The following CLDN18 variants were observed in gnomAD, a reference collection of about 807,000 sequenced individuals.
The protein encoded by CLDN18 is claudin-18.
Under a neutral mutation model 25.0 loss-of-function variants are expected in CLDN18, and 20 were observed. The observed-to-expected ratio is 0.80, with a 90% CI of 0.56 to 1.16. The LOEUF (loss-of-function observed/expected upper bound fraction) is 1.16, where lower values mean the gene tolerates loss of function less well. CLDN18 is among the 50% of genes most tolerant of loss of function. The pLI, the probability that CLDN18 is intolerant of heterozygous loss-of-function variation, is 0.00. For missense variants in CLDN18, 297 were observed against 345.4 expected (o/e 0.86, Z 1.11); for synonymous variants, 125 against 135.6 (o/e 0.92, Z 0.54).
intron 1 of CLDN18, among the ~76,000 whole-genome samples, chr3:138,019,369 ATCT>A (rs1444536240): frequency 6.6e-6 from 1 of 152,192 alleles, no homozygotes; most frequent in Admixed American, 6.5e-5. Context: ...TCAGACTACC[ATCT>A]TCTGAGCTCC....
At chr3:138,001,956 T>A (rs1942024284) in intron 1 of CLDN18, among the ~76,000 whole-genome samples, 1 of 152,062 alleles carries the variant, frequency 6.6e-6, no homozygotes, top group African/African-American at 2.4e-5. Flanking sequence ...GTGTGAGAGA[T>A]AGTGTTCATT....
chr3:138,024,823 T>C (rs1942306813), intron 3 of CLDN18, 99 bp downstream of exon 3: 1 of 654,910 alleles, frequency 1.5e-6, no homozygotes, highest in Middle Eastern at 2.7e-4. Context: ...GTGCCTGAAA[T>C]AGCAAAAATT....
intron 1 of CLDN18, among the ~76,000 whole-genome samples, chr3:138,022,056 A>G (rs1487486581): frequency 2.0e-5 from 3 of 152,168 alleles, no homozygotes; most frequent in African/African-American, 4.8e-5. Context: ...CAGGAGCTCA[A>G]ACACTGTCAG....
At chr3:138,001,527 C>G (rs1040164161) in intron 1 of CLDN18, among the ~76,000 whole-genome samples, 2 of 152,012 alleles carry the variant, frequency 1.3e-5, no homozygotes, top group African/African-American at 4.8e-5. Context: ...CGGCAACATT[C>G]CCCCATTCTT....
In CLDN18 at chr3:138,032,294, C is replaced by G. The variant is rs6804883; in HGVS notation, c.*1153C>G. 1 of 151,808 alleles carries G rather than the reference C, an allele frequency of 6.6e-6. No individual in the cohort carries two copies. The highest frequency in any genetic ancestry group is 1.5e-5 in the Non-Finnish European group (1 of 68,032). The allele number at this position is 151,808 out of a possible 1,614,324, so 9.4% of individuals were successfully genotyped here. On this transcript the variant is annotated 3_prime_UTR_variant, in exon 5 of 5. Transcript: ENST00000183605. ...GAAAAAATCAGCCAGTCATGGTGGC[C>G]TACACCTGTAGTCCCAGCATTCCGG...
intron 1 of CLDN18, among the ~76,000 whole-genome samples, chr3:138,014,527 A>G (rs1942182487): frequency 6.6e-6 from 1 of 152,074 alleles, no homozygotes; most frequent in African/African-American, 2.4e-5. Context: ...CCTGTCTCCC[A>G]ATTGTGCTGT....
chr3:138,007,205 C>A (rs1576406252), upstream of CLDN18, among the ~76,000 whole-genome samples: 5 of 151,966 alleles, frequency 3.3e-5, 1 homozygote, highest in Admixed American at 3.3e-4. Context: ...GGGTATATAC[C>A]CAAAGGAATA....
chr3:138,016,177 C>T (rs745844703), intron 1 of CLDN18, among the ~76,000 whole-genome samples: 2 of 152,072 alleles, frequency 1.3e-5, no homozygotes, highest in African/African-American at 2.4e-5. Flanking sequence ...AAAACTGAGG[C>T]TGGGGGTGAG....
chr3:138,000,527 G>C (rs1018538454), intron 1 of CLDN18, among the ~76,000 whole-genome samples: 2 of 151,496 alleles, frequency 1.3e-5, no homozygotes, highest in African/African-American at 4.9e-5. Context: ...TGAGAGGTTG[G>C]TTGTTTGGTT....
intron 1 of CLDN18, among the ~76,000 whole-genome samples, chr3:138,018,553 G>T (rs1009032641): frequency 6.6e-6 from 1 of 151,880 alleles, no homozygotes; most frequent in South Asian, 2.1e-4. Flanking sequence ...AGCCGGGATG[G>T]TCTCGATCTC....
At chr3:137,999,669 A>G (rs1941994457) in intron 1 of CLDN18, among the ~76,000 whole-genome samples, 1 of 152,314 alleles carries the variant, frequency 6.6e-6, no homozygotes, top group African/African-American at 2.4e-5. Flanking sequence ...AATATTGGTG[A>G]CAAGGAACCA....
At position 138,010,198 on chromosome 3, in the gene CLDN18, G is replaced by A. The variant is rs1011897932; in HGVS notation, c.-28G>A. On this transcript the variant is annotated 5_prime_UTR_variant, in exon 1 of 5. Coordinates refer to ENST00000183605, the MANE Select transcript of CLDN18 (RefSeq NM_016369.4). The stretch of plus-strand genomic sequence containing the variant: ...GGCAGCAGGAGGGCGGCAGCTTCTC[G>A]CAGGCGGCAGGGCGGGCGGCCAGGA... 28 of 1,604,784 alleles carry A rather than the reference G, an allele frequency of 1.7e-5. No homozygotes were observed. Among genetic ancestry groups the A allele is most frequent in the Non-Finnish European group, 2.3e-5 (27 of 1,175,264 alleles).
intron 1 of CLDN18, among the ~76,000 whole-genome samples, chr3:138,021,990 G>A (rs537839395): frequency 6.6e-5 from 10 of 152,284 alleles, no homozygotes; most frequent in African/African-American, 2.4e-4. Flanking sequence ...ATGGTGCTGG[G>A]ATAGCACCTG....
chr3:138,025,099 C>T (rs952817612), intron 3 of CLDN18, among the ~76,000 whole-genome samples: 2 of 152,178 alleles, frequency 1.3e-5, no homozygotes, highest in South Asian at 2.1e-4. Flanking sequence ...AACAGGGAAA[C>T]GTTTGAATAG....
At chr3:138,030,916 T>C in intron 4 of CLDN18, 54 bp from the exon 5 acceptor site, 2 of 1,486,212 alleles carry the variant, frequency 1.3e-6, no homozygotes, top group Non-Finnish European at 1.9e-6. Context: ...AAATAGGAGG[T>C]TGGTCCTACT....
chr3:138,019,092 C>A (rs1310380366), intron 1 of CLDN18, among the ~76,000 whole-genome samples: 2 of 152,146 alleles, frequency 1.3e-5, no homozygotes, highest in Non-Finnish European at 2.9e-5. Context: ...GGAGAGGAAA[C>A]TGATATTTAT....
rs909983834 is a variant in CLDN18 at position 138,010,294 on chromosome 3, G to A, written c.69G>A (p.Ala23=). 6 of 1,614,014 alleles carry A rather than the reference G, an allele frequency of 3.7e-6. No individual in the cohort carries two copies. The highest frequency in any genetic ancestry group is 1.3e-5 in the African/African-American group (1 of 74,918). ...LSILGLAGCI[A]ATGMDMWSTQ... Reference sequence around the variant, plus strand: ...TCCTGGGGCTGGCCGGCTGCATCGCGGCCACCGGGATGGACATGTGGAGCA... The same window carrying A: ...TCCTGGGGCTGGCCGGCTGCATCGCAGCCACCGGGATGGACATGTGGAGCA... Residue 23 remains alanine (A), a synonymous_variant, in exon 1 of 5, where the codon GCG becomes GCA. Transcript: ENST00000183605.
At chr3:138,018,674 G>A (rs1448762270) in intron 1 of CLDN18, among the ~76,000 whole-genome samples, 1 of 152,176 alleles carries the variant, frequency 6.6e-6, no homozygotes, top group Non-Finnish European at 1.5e-5. Context: ...CATTCCTGAG[G>A]GTACCTCCTA....
Position 138,032,342 on chromosome 3 carries a change from T to G in CLDN18, c.*1201T>G, listed in dbSNP as rs1942407409. The G allele has an allele frequency of 6.6e-6, 1 of 152,254 alleles. No individual in the cohort carries two copies. The highest frequency in any genetic ancestry group is 2.4e-5 in the African/African-American group (1 of 41,408). The allele number at this position is 152,254 out of a possible 1,614,324, so 9.4% of individuals were successfully genotyped here. ...CGGGAGGCTGAGGTGGGAGGATCAC[T>G]TGAGCCCAGGGAGGTTGGGGCTGCA... On this transcript the variant is annotated 3_prime_UTR_variant, in exon 5 of 5. Coordinates refer to ENST00000183605, the MANE Select transcript of CLDN18 (RefSeq NM_016369.4).
Sources: allele counts gnomAD v4.1 joint callset (sites outside exome capture counted in the v4.1 genomes callset), GRCh38; gene constraint gnomAD v4.1.1; transcripts MANE v1.5; gene names NCBI Gene and HGNC (gene_info 2026-07-23, HGNC 2026-07-21).